Variants in KIF15 observed in about 807,000 individuals in gnomAD.
The protein encoded by KIF15 is kinesin-like protein KIF15.
KIF15 carries 140 observed loss-of-function variants against 190.6 expected under a neutral mutation model. The ratio of observed to expected loss-of-function variants is 0.73; its 90% CI spans 0.64 to 0.84. The LOEUF (loss-of-function observed/expected upper bound fraction) is 0.84, where lower values mean the gene tolerates loss of function less well. KIF15 is among the 40% of genes least tolerant of loss of function. KIF15 has a pLI of 0.00. For synonymous variants in KIF15, 528 were observed against 551.3 expected (o/e 0.96, Z 0.59); for missense variants, 1,372 against 1,584.4 (o/e 0.87, Z 2.28).
At chr3:44,863,305 C>T (rs1048858323) in intron 6 of KIF15, 2 of 101,404 alleles carry the variant, frequency 2.0e-5, no homozygotes, top group African/African-American at 6.6e-5. Context: ...TCCGCACCCC[C>T]CCCCCCCGCC....
intron 20 of KIF15, among the ~76,000 whole-genome samples, chr3:44,815,379 T>C (rs1303089720): frequency 6.6e-6 from 1 of 152,184 alleles, no homozygotes; most frequent in Admixed American, 6.5e-5. Flanking sequence ...CTCACACAGC[T>C]CCATATTTTG....
At chr3:44,852,108 T>A in intron 33 of KIF15, 100 bp from the exon 34 acceptor site, 14 of 1,470,418 alleles carry the variant, frequency 9.5e-6, no homozygotes, top group Non-Finnish European at 1.3e-5. Flanking sequence ...TTCTGGACTC[T>A]CTGACTTCCT....
Position 44,815,011 on chromosome 3 carries a change from G to A in KIF15, c.2484G>A (p.Gln828=), listed in dbSNP as rs539978644. Residue 828 remains glutamine (Q), a synonymous_variant, in exon 20 of 35, where the codon CAG becomes CAA. Coordinates refer to ENST00000326047, the MANE Select transcript of KIF15 (RefSeq NM_020242.3). Reference sequence around the variant, plus strand: ...AATATAGTTCATTCAAAACGAATCAGGAGAAAGAATTCAACAAACTTTCCG... The same window carrying A: ...AATATAGTTCATTCAAAACGAATCAAGAGAAAGAATTCAACAAACTTTCCG... ...KLEYSSFKTN[Q]EKEFNKLSER... The A allele has an allele frequency of 1.4e-5, 23 of 1,612,282 alleles. No homozygotes were observed. In the South Asian group the frequency reaches 2.4e-4, roughly 17 times the overall value.
chr3:44,806,351 T>C (rs958664533), intron 16 of KIF15, among the ~76,000 whole-genome samples: 1 of 152,204 alleles, frequency 6.6e-6, no homozygotes, highest in Non-Finnish European at 1.5e-5. Flanking sequence ...CTTGTAGATA[T>C]CAGTAAAATG....
chr3:44,862,976 A>C (rs1369945530), intron 6 of KIF15: 1 of 152,000 alleles, frequency 6.6e-6, no homozygotes. Context: ...CAGGAACTAG[A>C]CCTTCATAAC....
intron 17 of KIF15, among the ~76,000 whole-genome samples, chr3:44,811,505 T>C (rs1707781792): frequency 6.6e-6 from 1 of 151,826 alleles, no homozygotes; most frequent in Non-Finnish European, 1.5e-5. Context: ...ATTAGCCGGG[T>C]GTGGTGGTAC....
intron 20 of KIF15, among the ~76,000 whole-genome samples, chr3:44,819,898 C>T (rs959508679): frequency 8.5e-5 from 13 of 152,174 alleles, no homozygotes; most frequent in South Asian, 2.1e-4. Flanking sequence ...TTGTAGGTCA[C>T]TCAGGACTTG....
In KIF15 at chr3:44,852,730, T is replaced by C; in HGVS notation, c.4162T>C (p.Ser1388Pro). The C allele has an allele frequency of 1.3e-6, 2 of 1,599,136 alleles. No individual in the cohort carries two copies. The highest frequency in any genetic ancestry group is 1.7e-6 in the Non-Finnish European group (2 of 1,175,270). ...TTTAAAAGAAAAGAAAAGAAGTGAA[T>C]CTTGAGGATTCCGGTCAGCTACCTA... The part of the protein sequence containing the change: ...VFLKEKKRSE[S>P] The change falls in exon 35 of 35, where the codon TCT becomes CCT. Residue 1388 changes from serine (S) to proline (P), a missense_variant. Physicochemically the swap from Ser to Pro is moderately conservative, Grantham distance 74. Transcript: ENST00000326047.
intron 31 of KIF15, among the ~76,000 whole-genome samples, chr3:44,848,264 T>G (rs1225811820): frequency 1.3e-5 from 2 of 152,262 alleles, no homozygotes; most frequent in Admixed American, 1.3e-4. Context: ...GCAAGCCTAC[T>G]GCTCAGCATG....
rs773379000 is a variant in KIF15 at position 44,775,237 on chromosome 3, C to CT, written c.63-9dup. 7.0e-5 allele frequency: 112 copies of CT among 1,597,668 alleles called. No individual in the cohort carries two copies. In the African/African-American group the frequency reaches 8.2e-4, roughly 12 times the overall value. Reference sequence around the variant, plus strand: ...CTTCAATAAACTGAACTGTTACTTTCTTTTTTTTGTCTTTAGTAATGAAGG... The same window carrying CT: ...CTTCAATAAACTGAACTGTTACTTTCTTTTTTTTTGTCTTTAGTAATGAAGG... On this transcript the variant is annotated splice_polypyrimidine_tract_variant and intron_variant, in intron 2 of 34. Transcript: ENST00000326047.
At position 44,851,990 on chromosome 3, in the gene KIF15, C is replaced by T. The variant is rs766495685; in HGVS notation, c.3972+38C>T. On this transcript the variant is annotated intron_variant, in intron 33 of 34. Coordinates refer to ENST00000326047, the MANE Select transcript of KIF15 (RefSeq NM_020242.3). ...GTTGGTGTTTTCATGATACTTAGAA[C>T]ACTCAAATGAATAGAACTAATTAGC... 2.5e-6 allele frequency: 4 copies of T among 1,584,478 alleles called. No homozygotes were observed. In the South Asian group the frequency reaches 4.6e-5, roughly 18 times the overall value.
At chr3:44,781,077 C>A (rs760332440) in intron 5 of KIF15, among the ~76,000 whole-genome samples, 155 bp downstream of exon 5, 4 of 152,194 alleles carry the variant, frequency 2.6e-5, no homozygotes, top group Non-Finnish European at 4.4e-5. Context: ...GAGTTCTTTG[C>A]TAGCAAAGTC....
chr3:44,767,258 A>G (rs549662086), intron 1 of KIF15, among the ~76,000 whole-genome samples: 13 of 152,300 alleles, frequency 8.5e-5, no homozygotes, highest in African/African-American at 3.1e-4. Flanking sequence ...TGGGGGAGAA[A>G]GAGAAGCAGA....
At chr3:44,786,826 A>G (rs999461112) in intron 7 of KIF15, among the ~76,000 whole-genome samples, 6 of 152,130 alleles carry the variant, frequency 3.9e-5, no homozygotes, top group African/African-American at 1.4e-4. Context: ...TTACTTGTCC[A>G]TATGTTTTTA....
At chr3:44,762,026 C>T in intron 1 of KIF15, 142 bp downstream of exon 1, 1 of 1,020,762 alleles carries the variant, frequency 9.8e-7, no homozygotes, top group Non-Finnish European at 1.5e-6. Context: ...GTTTGGGAAT[C>T]CCGCTCTGTC....
At chr3:44,789,644 A>T (rs1446165958) in intron 7 of KIF15, among the ~76,000 whole-genome samples, 1 of 2,338 alleles carries the variant, frequency 4.3e-4, no homozygotes, top group South Asian at 0.013. Context: ...GTCTAATTTT[A>T]TATATATATA....
chr3:44,852,612 C>A lies in KIF15; in HGVS notation c.4105-61C>A, dbSNP rs1448852666. The stretch of plus-strand genomic sequence containing the variant: ...TACACCTAATAAATGCAAAAAAAAA[C>A]CACTTCCTGTAAGAATTAGAGCCTT... On this transcript the variant is annotated intron_variant, in intron 34 of 34. Transcript: ENST00000326047. The A allele has an allele frequency of 2.5e-5, 32 of 1,260,600 alleles. No homozygotes were observed. The Admixed American group carries it at 2.8e-4, about 11-fold the overall frequency. The allele number at this position is 1,260,600 out of a possible 1,614,324, so 78.1% of individuals were successfully genotyped here.
At chr3:44,823,986 A>G (rs114538210) in intron 20 of KIF15, among the ~76,000 whole-genome samples, 2,836 of 152,034 alleles carry the variant, frequency 0.019, 76 homozygotes, top group African/African-American at 0.064. Context: ...GGCGACGCCC[A>G]CCCTGCTTCA....
chr3:44,797,389 T>C (rs1437724229), intron 8 of KIF15, among the ~76,000 whole-genome samples, 162 bp from the exon 9 acceptor site: 2 of 152,204 alleles, frequency 1.3e-5, no homozygotes, highest in African/African-American at 2.4e-5. Context: ...TTAGGGATAG[T>C]TCAGCACTTC....
Sources: gnomAD v4.1 joint callset for allele counts (sites outside exome capture counted in the v4.1 genomes callset) on GRCh38, gnomAD v4.1.1 for gene constraint, MANE v1.5 for transcripts, NCBI Gene and HGNC (gene_info 2026-07-23, HGNC 2026-07-21) for gene names.